Variants in SUSD1 observed in about 807,000 individuals in gnomAD.
SUSD1 encodes sushi domain-containing protein 1.
In SUSD1, 65 loss-of-function variants were observed where a neutral mutation model predicts 86.9. That is an observed-to-expected ratio of 0.75 (90% confidence interval 0.61 to 0.92). The LOEUF (loss-of-function observed/expected upper bound fraction) is 0.92. Among genes scored for constraint, SUSD1 ranks in the 40% least tolerant of loss-of-function variants. The pLI is 0.00. For missense variants in SUSD1, 850 were observed against 929.7 expected (o/e 0.91, Z 1.11); for synonymous variants, 346 against 350.0 (o/e 0.99, Z 0.13).
chr9:112,174,601 G>C (rs1834185956), intron 1 of SUSD1, among the ~76,000 whole-genome samples: 1 of 152,178 alleles, frequency 6.6e-6, no homozygotes, highest in Non-Finnish European at 1.5e-5. Flanking sequence ...GAATGAATGA[G>C]TGAATTAATG....
intron 8 of SUSD1, 30 bp downstream of exon 8, chr9:112,111,624 A>G: frequency 6.2e-7 from 1 of 1,603,634 alleles, no homozygotes. Flanking sequence ...AGCATTTTCT[A>G]GGAGGAAATG....
At chr9:112,110,997 G>T (rs571659002) in intron 8 of SUSD1, among the ~76,000 whole-genome samples, 4 of 151,024 alleles carry the variant, frequency 2.6e-5, no homozygotes, top group South Asian at 2.1e-4. Context: ...GGTTTTTTTG[G>T]GTTTTTTTTG....
intron 9 of SUSD1, among the ~76,000 whole-genome samples, chr9:112,101,368 GA>G (rs899118212): frequency 1.5e-4 from 22 of 150,986 alleles, no homozygotes; most frequent in Non-Finnish European, 2.7e-4. Flanking sequence ...TCTCAAAAAA[GA>G]AAAAAAAATT....
chr9:112,110,334 G>T (rs947306560), intron 8 of SUSD1, among the ~76,000 whole-genome samples: 1 of 152,028 alleles, frequency 6.6e-6, no homozygotes, highest in African/African-American at 2.4e-5. Context: ...GGGCGACAGG[G>T]CAAGACTCCA....
chr9:112,145,797 C>CT (rs1832785507), intron 3 of SUSD1, among the ~76,000 whole-genome samples: 1 of 152,172 alleles, frequency 6.6e-6, no homozygotes, highest in Non-Finnish European at 1.5e-5. Context: ...ACAAGAAGTG[C>CT]CACAGAGCTT....
chr9:112,149,878 C>T (rs546703755), intron 2 of SUSD1, among the ~76,000 whole-genome samples: 17 of 152,136 alleles, frequency 1.1e-4, no homozygotes, highest in East Asian at 3.8e-4. Context: ...CAGCCTCATC[C>T]GGAGCAGGGC....
At chr9:112,096,793 G>A (rs1214655994) in intron 10 of SUSD1, among the ~76,000 whole-genome samples, 1 of 152,168 alleles carries the variant, frequency 6.6e-6, no homozygotes, top group African/African-American at 2.4e-5. Context: ...ACCCGCCTTG[G>A]CCTCCCATAG....
At position 112,067,618 on chromosome 9, in the gene SUSD1, G is replaced by C. The variant is rs149427052; in HGVS notation, c.1754-4585C>G. 2.9e-3 allele frequency among the ~76,000 whole-genome samples: 448 copies of C among 152,282 alleles called. 2 individuals carry two copies. Among genetic ancestry groups the C allele is most frequent in the African/African-American group, 0.01 (422 of 41,548 alleles). On this transcript the variant is annotated intron_variant, in intron 12 of 16. Coordinates refer to ENST00000374270, the MANE Select transcript of SUSD1 (RefSeq NM_022486.5). ...GAATTGCTGTGAATTCCAGGCAAAT[G>C]CTAAACCCCTTGGGTGGTGGAGACA...
chr9:112,082,422 G>A (rs1230733679), intron 10 of SUSD1, among the ~76,000 whole-genome samples: 1 of 152,176 alleles, frequency 6.6e-6, no homozygotes, highest in African/African-American at 2.4e-5. Flanking sequence ...TGAGCTCAAT[G>A]TGATTACAAA....
At chr9:112,161,238 G>C (rs551534416) in intron 1 of SUSD1, among the ~76,000 whole-genome samples, 2 of 151,970 alleles carry the variant, frequency 1.3e-5, no homozygotes, top group Admixed American at 6.6e-5. Context: ...ACATTAGCCA[G>C]GCGTGGTGGC....
At chr9:112,049,762 T>C (rs1828110298) in intron 15 of SUSD1, among the ~76,000 whole-genome samples, 1 of 152,236 alleles carries the variant, frequency 6.6e-6, no homozygotes, top group African/African-American at 2.4e-5. Context: ...CATAAAAAAG[T>C]ATTGCTAGAA....
Position 112,113,764 on chromosome 9 carries a change from T to C in SUSD1, c.887-896A>G, listed in dbSNP as rs1165541073. On this transcript the variant is annotated intron_variant, in intron 6 of 16. Coordinates refer to ENST00000374270, the MANE Select transcript of SUSD1 (RefSeq NM_022486.5). This position sits in a 1 kb window ranked among gnomAD's most constrained non-coding sequence, Gnocchi z 4.1. ...CTGGCCAACATAGTGAAACCCCATC[T>C]CTACTAAAAATACAAAACTTAGCGG... is the stretch of plus-strand genomic sequence containing the variant. Among the ~76,000 whole-genome samples, 2 of 151,958 alleles carry C rather than the reference T, an allele frequency of 1.3e-5. No individual in the cohort carries two copies. Among genetic ancestry groups the C allele is most frequent in the East Asian group, 3.9e-4 (2 of 5,160 alleles).
At chr9:112,090,083 A>C (rs1830145436) in intron 10 of SUSD1, among the ~76,000 whole-genome samples, 2 of 152,138 alleles carry the variant, frequency 1.3e-5, no homozygotes, top group South Asian at 4.1e-4. Context: ...CCAATTAATA[A>C]ACCAAAATCT....
In SUSD1 at chr9:112,170,692, C is replaced by CATAT. The variant is rs3983405; in HGVS notation, c.103+4437_103+4440dup. On this transcript the variant is annotated intron_variant, in intron 1 of 16. Coordinates refer to ENST00000374270, the MANE Select transcript of SUSD1 (RefSeq NM_022486.5). ...ATATACAAATGGACAATGGCCAGAT[C>CATAT]ATATATATATATATATATAGAGAGA... is the stretch of plus-strand genomic sequence containing the variant. Among the ~76,000 whole-genome samples, 606 of 120,016 alleles carry CATAT rather than the reference C, an allele frequency of 5.0e-3. 9 individuals carry two copies. The highest frequency in any genetic ancestry group is 0.016 in the African/African-American group (457 of 28,804). 78.7% of individuals were successfully genotyped at this position (120,016 alleles called of 152,430 possible).
At position 112,111,714 on chromosome 9, in the gene SUSD1, T is replaced by C; in HGVS notation, c.1111A>G (p.Asn371Asp). 6.2e-7 allele frequency: 1 copy of C among 1,614,174 alleles called. No homozygotes were observed. The highest frequency in any genetic ancestry group is 8.5e-7 in the Non-Finnish European group (1 of 1,180,022). ...CGCCTGGGAGGTGCTGTGGAGATGT[T>C]CACGGTGTAGTTGGTGCCTGGGTAC... ...ALYPGTNYTVNISTAPPRRSM... is the reference protein window; with the variant it reads ...ALYPGTNYTVDISTAPPRRSM... Residue 371 changes from asparagine to aspartate, a missense_variant, in exon 8 of 17, where the codon AAC (asparagine) becomes GAC (aspartate). Transcript: ENST00000374270.
At chr9:112,041,769 A>T in intron 16 of SUSD1, 98 bp downstream of exon 16, 1 of 1,194,738 alleles carries the variant, frequency 8.4e-7, no homozygotes, top group South Asian at 1.4e-5. Flanking sequence ...CTCCACCCAC[A>T]CTCCCTTTGA....
At chr9:112,118,090 T>C (rs1831404421) in intron 6 of SUSD1, among the ~76,000 whole-genome samples, 1 of 152,198 alleles carries the variant, frequency 6.6e-6, no homozygotes, top group Admixed American at 6.5e-5. Context: ...TTTTCTTTAT[T>C]TTTGGAAACA....
intron 10 of SUSD1, among the ~76,000 whole-genome samples, chr9:112,083,341 C>T (rs1829846781): frequency 6.6e-6 from 1 of 152,154 alleles, no homozygotes; most frequent in Admixed American, 6.5e-5. Flanking sequence ...AATTCTCCTG[C>T]CTCAGCCTCC....
chr9:112,172,439 C>T (rs1317197298), intron 1 of SUSD1, among the ~76,000 whole-genome samples: 1 of 152,180 alleles, frequency 6.6e-6, no homozygotes, highest in Admixed American at 6.5e-5. Context: ...TCTCGACTTG[C>T]ATCTACCATC....
Sources: gnomAD v4.1 joint callset for allele counts (sites outside exome capture counted in the v4.1 genomes callset) on GRCh38, gnomAD v4.1.1 for gene constraint, Gnocchi (gnomAD v3.1) non-coding constraint, MANE v1.5 for transcripts, NCBI Gene and HGNC (gene_info 2026-07-23, HGNC 2026-07-21) for gene names.